TMEM132C: variants seen among roughly 807,000 people sequenced by gnomAD.
TMEM132C encodes transmembrane protein 132C.
Under a neutral mutation model 61.4 loss-of-function variants are expected in TMEM132C, and 29 were observed. The observed-to-expected ratio is 0.47, with a 90% CI of 0.35 to 0.64. The LOEUF is 0.64. TMEM132C is among the 30% of genes least tolerant of loss of function. TMEM132C has a pLI of 0.00. For synonymous variants in TMEM132C, 656 were observed against 633.1 expected (o/e 1.04, Z -0.54); for missense variants, 1,408 against 1,476.9 (o/e 0.95, Z 0.76).
chr12:128,548,266 T>TCACGGCTCTCTTC (rs1319199036), intron 3 of TMEM132C, among the ~76,000 whole-genome samples: 1 of 152,240 alleles, frequency 6.6e-6, no homozygotes, highest in Non-Finnish European at 1.5e-5. Context: ...TACACCACTT[T>TCACGGCTCTCTTC]CACTGCTCTC....
intron 4 of TMEM132C, among the ~76,000 whole-genome samples, chr12:128,639,139 C>T (rs1378289682): frequency 4.7e-5 from 4 of 85,024 alleles, no homozygotes; most frequent in Admixed American, 1.4e-4. Flanking sequence ...GTGTTAATGA[C>T]AATGGTGATG....
intron 2 of TMEM132C, among the ~76,000 whole-genome samples, chr12:128,507,178 C>G (rs1271571016): frequency 6.6e-6 from 1 of 152,078 alleles, no homozygotes; most frequent in Non-Finnish European, 1.5e-5. Flanking sequence ...AATCCCTGAC[C>G]AACCCAGGCT....
intron 1 of TMEM132C, among the ~76,000 whole-genome samples, chr12:128,359,022 CAA>C (rs1873609575): frequency 6.6e-6 from 1 of 152,138 alleles, no homozygotes; most frequent in Non-Finnish European, 1.5e-5. Flanking sequence ...CTCCCAGCAG[CAA>C]GAGAGGTAAT....
chr12:128,475,883 C>T (rs963540505), intron 2 of TMEM132C, among the ~76,000 whole-genome samples: 1 of 152,162 alleles, frequency 6.6e-6, no homozygotes, highest in Admixed American at 6.5e-5. Flanking sequence ...CAGGACCCCA[C>T]AGCTAGCAAG....
intron 1 of TMEM132C, among the ~76,000 whole-genome samples, chr12:128,364,747 C>A (rs987775695): frequency 1.3e-5 from 2 of 152,174 alleles, no homozygotes; most frequent in African/African-American, 4.8e-5. Flanking sequence ...CTACCATGGC[C>A]TGAGGGACAC....
At chr12:128,510,009 G>A (rs1441550723) in intron 2 of TMEM132C, among the ~76,000 whole-genome samples, 1 of 152,176 alleles carries the variant, frequency 6.6e-6, no homozygotes, top group Non-Finnish European at 1.5e-5. Flanking sequence ...AGGAAACAGA[G>A]GCTGAGTTTA....
At chr12:128,466,548 A>G (rs1444186793) in intron 2 of TMEM132C, among the ~76,000 whole-genome samples, 1 of 152,138 alleles carries the variant, frequency 6.6e-6, no homozygotes, top group Non-Finnish European at 1.5e-5. Flanking sequence ...CTTTGGAGAC[A>G]GGGTCTCACT....
intron 5 of TMEM132C, among the ~76,000 whole-genome samples, chr12:128,693,000 G>A (rs4882714): frequency 0.18 from 27,898 of 152,082 alleles, 3,213 homozygotes; most frequent in African/African-American, 0.32. Flanking sequence ...TTCACATAAC[G>A]AACACGTATT....
chr12:128,589,929 C>A (rs1875693209), intron 3 of TMEM132C, among the ~76,000 whole-genome samples: 1 of 152,156 alleles, frequency 6.6e-6, no homozygotes, highest in Non-Finnish European at 1.5e-5. Context: ...TCTTATTCAT[C>A]ATCATCGTTG....
At chr12:128,557,595 A>T (rs1291494415) in intron 3 of TMEM132C, among the ~76,000 whole-genome samples, 2 of 152,142 alleles carry the variant, frequency 1.3e-5, no homozygotes, top group Non-Finnish European at 2.9e-5. Context: ...TGGACACTAG[A>T]GCAGGATTTT....
chr12:128,584,101 A>G (rs763452220), intron 3 of TMEM132C, among the ~76,000 whole-genome samples: 1 of 152,242 alleles, frequency 6.6e-6, no homozygotes, highest in Admixed American at 6.5e-5. Context: ...AAAGAGGCAG[A>G]TGATCCACTG....
chr12:128,527,592 T>C (rs1215144355), intron 2 of TMEM132C, among the ~76,000 whole-genome samples: 1 of 152,208 alleles, frequency 6.6e-6, no homozygotes, highest in Non-Finnish European at 1.5e-5. Context: ...TGGGGTTTTA[T>C]TATTAATACA....
At chr12:128,595,619 G>A (rs1182391698) in intron 3 of TMEM132C, among the ~76,000 whole-genome samples, 1 of 152,186 alleles carries the variant, frequency 6.6e-6, no homozygotes, top group Non-Finnish European at 1.5e-5. Flanking sequence ...CAGGAGGCAC[G>A]TGGGGGTGAG....
chr12:128,516,623 A>G (rs1872728577), intron 2 of TMEM132C, among the ~76,000 whole-genome samples: 1 of 152,168 alleles, frequency 6.6e-6, no homozygotes, highest in South Asian at 2.1e-4. Flanking sequence ...CCTTAAAAAA[A>G]AGATTGAGTC....
intron 1 of TMEM132C, among the ~76,000 whole-genome samples, chr12:128,365,475 C>A (rs1162192946): frequency 6.6e-6 from 1 of 152,150 alleles, no homozygotes; most frequent in Admixed American, 6.5e-5. Context: ...CTATTATTAG[C>A]ATACTTTGAC....
chr12:128,668,937 G>A (rs183911936), intron 4 of TMEM132C, among the ~76,000 whole-genome samples: 1 of 152,274 alleles, frequency 6.6e-6, no homozygotes, highest in East Asian at 1.9e-4. Context: ...TCCATCTTAA[G>A]ATCTTAATTC....
intron 1 of TMEM132C, among the ~76,000 whole-genome samples, chr12:128,332,252 T>A (rs1872683264): frequency 6.6e-6 from 1 of 152,240 alleles, no homozygotes; most frequent in Non-Finnish European, 1.5e-5. Context: ...CTTTCACTTC[T>A]GGGAAGATGG....
intron 5 of TMEM132C, among the ~76,000 whole-genome samples, chr12:128,688,023 A>G (rs1396405604): frequency 6.6e-6 from 1 of 151,910 alleles, no homozygotes; most frequent in Non-Finnish European, 1.5e-5. Context: ...TTGGAAAGAG[A>G]CAGCCTTTCC....
rs57311111 is a variant in TMEM132C, at chr12:128,689,762, T to C, written c.1450-4067T>C. ...AGCGGGATGTAGAGGGTGCAAGGAG[T>C]AGATCTCACAGTGGTACCCAGAGCA... is the stretch of plus-strand genomic sequence containing the variant. On this transcript the variant is annotated intron_variant, in intron 5 of 8. Coordinates refer to ENST00000435159, the MANE Select transcript of TMEM132C (RefSeq NM_001136103.3). Among the ~76,000 whole-genome samples the C allele has an allele frequency of 7.1e-3, 1,078 of 151,756 alleles. 12 individuals carry two copies. The highest frequency in any genetic ancestry group is 0.025 in the African/African-American group (1,014 of 41,348).
Sources: gnomAD v4.1 joint callset for allele counts (sites outside exome capture counted in the v4.1 genomes callset) on GRCh38, gnomAD v4.1.1 for gene constraint, MANE v1.5 for transcripts, NCBI Gene and HGNC (gene_info 2026-07-23, HGNC 2026-07-21) for gene names.